The following WWOX variants were observed in gnomAD, a reference collection of about 807,000 sequenced individuals.
The protein encoded by WWOX is WW domain containing oxidoreductase, also known as WW domain-containing oxidoreductase.
Under a neutral mutation model 46.2 loss-of-function variants are expected in WWOX, and 69 were observed. That is an observed-to-expected ratio of 1.49 (90% CI 1.23 to 1.82). The LOEUF (loss-of-function observed/expected upper bound fraction) is 1.82, where lower values mean the gene tolerates loss of function less well. Among genes scored for constraint, WWOX ranks in the 40% most tolerant of loss-of-function variants. The pLI is 0.00. For synonymous variants in WWOX, 359 were observed against 202.6 expected (o/e 1.77, Z -6.56); for missense variants, 919 against 542.6 (o/e 1.69, Z -6.89).
At chr16:78,741,151 AG>A (rs1315616796) in intron 8 of WWOX, among the ~76,000 whole-genome samples, 1 of 152,212 alleles carries the variant, frequency 6.6e-6, no homozygotes, top group Non-Finnish European at 1.5e-5. Flanking sequence ...CTGCAGTAGG[AG>A]AGTGAGTAGT....
chr16:78,708,978 C>A (rs150268315), intron 8 of WWOX, among the ~76,000 whole-genome samples: 3 of 152,052 alleles, frequency 2.0e-5, no homozygotes, highest in Non-Finnish European at 4.4e-5. Context: ...ATCCATTTTG[C>A]CCTAGAAGTG....
At position 78,244,625 on chromosome 16, in the gene WWOX, TC is replaced by T. The variant is rs1394822679; in HGVS notation, c.516+80337del. Among the ~76,000 whole-genome samples the T allele has an allele frequency of 5.9e-5, 9 of 152,332 alleles. No individual in the cohort carries two copies. In the East Asian group the frequency reaches 1.7e-3, roughly 29 times the overall value. ...CTCTGGAAAGGATTAAGTGCAGTGATCAATCAGCAGCAAAGTCCTGGAAGAA... is the reference window on the plus strand; with the variant it reads ...CTCTGGAAAGGATTAAGTGCAGTGATAATCAGCAGCAAAGTCCTGGAAGAA... On this transcript the variant is annotated intron_variant, in intron 5 of 8. Transcript: ENST00000566780.
intron 8 of WWOX, among the ~76,000 whole-genome samples, chr16:78,998,458 G>T (rs892563284): frequency 1.3e-5 from 2 of 152,144 alleles, no homozygotes; most frequent in Non-Finnish European, 2.9e-5. Context: ...CAGTTTTAAA[G>T]ATTTTTTCAC....
chr16:78,508,549 C>T (rs1387157983), intron 8 of WWOX, among the ~76,000 whole-genome samples: 1 of 152,116 alleles, frequency 6.6e-6, no homozygotes, highest in Admixed American at 6.5e-5. Context: ...ACCTCACACC[C>T]AGTCCCTATT....
chr16:78,625,199 A>T (rs2046284389), intron 8 of WWOX, among the ~76,000 whole-genome samples: 1 of 152,188 alleles, frequency 6.6e-6, no homozygotes, highest in South Asian at 2.1e-4. Flanking sequence ...TCATGAGGAC[A>T]GCTGCAGTTC....
Position 79,066,451 on chromosome 16 carries a change from C to G in WWOX, c.1057-145157C>G, listed in dbSNP as rs138746087. On this transcript the variant is annotated intron_variant, in intron 8 of 8. Coordinates refer to ENST00000566780, the MANE Select transcript of WWOX (RefSeq NM_016373.4). ...GTGCGCAATTAGGCTCACAGTTGAG[C>G]TCAACATAGGATCTGTGGAAGGAAA... Among the ~76,000 whole-genome samples, 391 of 152,004 alleles carry G rather than the reference C, an allele frequency of 2.6e-3. 4 individuals are homozygous for G. Among genetic ancestry groups the G allele is most frequent in the African/African-American group, 9.0e-3 (372 of 41,432 alleles).
intron 5 of WWOX, among the ~76,000 whole-genome samples, chr16:78,177,966 T>G (rs1047467735): frequency 2.6e-5 from 4 of 152,206 alleles, no homozygotes; most frequent in Non-Finnish European, 5.9e-5. Context: ...CAATAGTTCC[T>G]GTTGTGAGGA....
At chr16:78,409,196 T>A (rs2082617081) in intron 6 of WWOX, among the ~76,000 whole-genome samples, 1 of 152,072 alleles carries the variant, frequency 6.6e-6, no homozygotes, top group Non-Finnish European at 1.5e-5. Flanking sequence ...CCTATTGGTT[T>A]AAAAAAAATT....
At chr16:78,534,680 C>A (rs1381017951) in intron 8 of WWOX, 1 of 152,076 alleles carries the variant, frequency 6.6e-6, no homozygotes, top group African/African-American at 2.4e-5. Flanking sequence ...GGGGGAATGT[C>A]CTGCAATATT....
At chr16:78,121,187 C>T (rs2033076028) in intron 4 of WWOX, among the ~76,000 whole-genome samples, 1 of 152,060 alleles carries the variant, frequency 6.6e-6, no homozygotes, top group Non-Finnish European at 1.5e-5. Context: ...ACCTGGTGCT[C>T]ATTAAGGAAA....
intron 5 of WWOX, among the ~76,000 whole-genome samples, chr16:78,189,164 C>T (rs1054574925): frequency 1.6e-4 from 24 of 152,244 alleles, no homozygotes; most frequent in Admixed American, 3.9e-4. Flanking sequence ...CTGGAGAAAG[C>T]GTGGCTTCTC....
At position 78,340,913 on chromosome 16, in the gene WWOX, G is replaced by A. The variant is rs1389393220; in HGVS notation, c.517-45947G>A. Among the ~76,000 whole-genome samples, 4 of 118,780 alleles carry A rather than the reference G, an allele frequency of 3.4e-5. 1 individual carries two copies. Among genetic ancestry groups the A allele is most frequent in the African/African-American group, 8.6e-5 (3 of 34,920 alleles). The allele number at this position is 118,780 out of a possible 152,430, so 77.9% of individuals were successfully genotyped here. ...GATAATAAACTTCTGTCATTTTTCT[G>A]GAGTTATGAAATGATGGTATCCTGC... On this transcript the variant is annotated intron_variant, in intron 5 of 8. Transcript: ENST00000566780.
chr16:78,639,863 G>A (rs941304235), intron 8 of WWOX, among the ~76,000 whole-genome samples: 1 of 152,186 alleles, frequency 6.6e-6, no homozygotes, highest in Admixed American at 6.5e-5. Context: ...ACCATGCTAG[G>A]CCCAGATTGG....
chr16:78,488,764 T>G (rs1401033001), intron 8 of WWOX, among the ~76,000 whole-genome samples: 1 of 152,174 alleles, frequency 6.6e-6, no homozygotes, highest in Non-Finnish European at 1.5e-5. Context: ...ACTTCACCTT[T>G]CTGAGTCTTA....
chr16:79,067,810 G>A (rs941629397), intron 8 of WWOX, among the ~76,000 whole-genome samples: 1 of 152,206 alleles, frequency 6.6e-6, no homozygotes, highest in Non-Finnish European at 1.5e-5. Context: ...TGGAATGAGT[G>A]TGCTGCTGAC....
chr16:79,068,702 T>A (rs1478395975), intron 8 of WWOX, among the ~76,000 whole-genome samples: 1 of 151,550 alleles, frequency 6.6e-6, no homozygotes, highest in Admixed American at 6.6e-5. Context: ...TCCCAGCCAC[T>A]CAGGAGGCTG....
intron 8 of WWOX, among the ~76,000 whole-genome samples, chr16:78,728,540 A>T (rs2048890174): frequency 6.6e-6 from 1 of 151,592 alleles, no homozygotes; most frequent in Non-Finnish European, 1.5e-5. Context: ...CCTCTGAAAA[A>T]CTCCGCTGTC....
At position 78,608,876 on chromosome 16, in the gene WWOX, C is replaced by T. The variant is rs575981330; in HGVS notation, c.1056+176124C>T. 1.8e-3 allele frequency among the ~76,000 whole-genome samples: 278 copies of T among 152,248 alleles called. 2 individuals are homozygous for T. The highest frequency in any genetic ancestry group is 6.5e-3 in the African/African-American group (271 of 41,532). On this transcript the variant is annotated intron_variant, in intron 8 of 8. Transcript: ENST00000566780. ...GGTCAGGTGGTCTTAAATTCCAAATCTGGGCACATGAATGGTCTGACCTCG... is the reference window on the plus strand; with the variant it reads ...GGTCAGGTGGTCTTAAATTCCAAATTTGGGCACATGAATGGTCTGACCTCG...
At chr16:78,429,776 A>T (rs758047511) in intron 7 of WWOX, among the ~76,000 whole-genome samples, 7 of 152,204 alleles carry the variant, frequency 4.6e-5, no homozygotes, top group East Asian at 3.9e-4. Context: ...TATATTTTCA[A>T]TTCGATATGA....
Sources: gnomAD v4.1 joint callset for allele counts (sites outside exome capture counted in the v4.1 genomes callset) on GRCh38, gnomAD v4.1.1 for gene constraint, MANE v1.5 for transcripts, NCBI Gene and HGNC (gene_info 2026-07-23, HGNC 2026-07-21) for gene names.